MFHAS1: variants seen among roughly 807,000 people sequenced by gnomAD.
MFHAS1 encodes multifunctional ROCO family signaling regulator 1, also known as malignant fibrous histiocytoma-amplified sequence 1.
A neutral mutation model predicts 70.4 loss-of-function variants in MFHAS1; 50 were observed. The ratio of observed to expected loss-of-function variants is 0.71; its 90% CI spans 0.57 to 0.90. MFHAS1 has a LOEUF of 0.90. Among genes scored for constraint, MFHAS1 ranks in the 40% least tolerant of loss-of-function variants. MFHAS1 has a pLI of 0.00. For synonymous variants in MFHAS1, 952 were observed against 620.0 expected (o/e 1.54, Z -7.96); for missense variants, 1,795 against 1,347.6 (o/e 1.33, Z -5.20).
chr8:8,828,265 C>A (rs909103967), intron 1 of MFHAS1, among the ~76,000 whole-genome samples: 2 of 152,204 alleles, frequency 1.3e-5, no homozygotes, highest in Admixed American at 6.5e-5. Flanking sequence ...CATGGAGCAA[C>A]AGGAACTGTT....
At chr8:8,858,835 A>C (rs937011687) in intron 1 of MFHAS1, among the ~76,000 whole-genome samples, 6 of 152,194 alleles carry the variant, frequency 3.9e-5, no homozygotes, top group Non-Finnish European at 7.3e-5. Context: ...TTCAGACCAA[A>C]ATAGAAATAA....
intron 1 of MFHAS1, among the ~76,000 whole-genome samples, chr8:8,873,602 T>C (rs2116914234): frequency 6.6e-6 from 1 of 152,066 alleles, no homozygotes; most frequent in Non-Finnish European, 1.5e-5. Context: ...TCCCACTTGG[T>C]ATGAGGATAA....
chr8:8,786,703 G>GTT (rs56344671), intron 2 of MFHAS1, among the ~76,000 whole-genome samples: 41,896 of 147,538 alleles, frequency 0.28, 6,375 homozygotes, highest in African/African-American at 0.36. Context: ...TTTGAAAGTG[G>GTT]TTTTTTTTTT....
chr8:8,805,338 C>T (rs1341708249), intron 1 of MFHAS1, among the ~76,000 whole-genome samples: 1 of 152,160 alleles, frequency 6.6e-6, no homozygotes, highest in African/African-American at 2.4e-5. Flanking sequence ...GAAGCCTTAC[C>T]AATAATGTAA....
chr8:8,835,952 C>A (rs1181531260), intron 1 of MFHAS1, among the ~76,000 whole-genome samples: 1 of 152,236 alleles, frequency 6.6e-6, no homozygotes, highest in African/African-American at 2.4e-5. Flanking sequence ...CTAACCGATG[C>A]TACTACAGTG....
chr8:8,887,770 G>A (rs1019400503), intron 1 of MFHAS1, among the ~76,000 whole-genome samples: 1 of 150,694 alleles, frequency 6.6e-6, no homozygotes, highest in African/African-American at 2.4e-5. Flanking sequence ...CAAGACAAGG[G>A]GCTTGTTTCT....
At chr8:8,787,937 AAAC>A (rs1805608587) in intron 2 of MFHAS1, among the ~76,000 whole-genome samples, 3 of 152,206 alleles carry the variant, frequency 2.0e-5, no homozygotes, top group Non-Finnish European at 2.9e-5. Context: ...ATCTTAGAGA[AAAC>A]AACCATCAAA....
intron 1 of MFHAS1, among the ~76,000 whole-genome samples, chr8:8,852,029 T>C (rs889151806): frequency 7.2e-5 from 11 of 152,168 alleles, no homozygotes; most frequent in Admixed American, 1.3e-4. Flanking sequence ...TTTGGATACA[T>C]AGGGAGTGGG....
rs201146413 is a variant in MFHAS1, at chr8:8,891,946, C to A, written c.1113G>T (p.Lys371Asn). Residue 371 changes from lysine (K) to asparagine (N), a missense_variant, in exon 1 of 3, where the codon AAG becomes AAT. Lys to Asn is a moderately conservative substitution (Grantham distance 94, BLOSUM62 0). Transcript: ENST00000276282. The surrounding 1 kb of genome is among the most constrained non-coding windows in gnomAD (Gnocchi z 5.4). ...FGQLSRVGLW[K>N]IKDNPLIQPP... Reference sequence around the variant, plus strand: ...GCTGGATCAGTGGGTTGTCTTTGATCTTCCACAAACCCACCCGGGAGAGCT... The same window carrying A: ...GCTGGATCAGTGGGTTGTCTTTGATATTCCACAAACCCACCCGGGAGAGCT... 3.1e-6 allele frequency: 5 copies of A among 1,611,476 alleles called. No homozygotes were observed. Among genetic ancestry groups the A allele is most frequent in the African/African-American group, 1.3e-5 (1 of 74,908 alleles).
intron 1 of MFHAS1, among the ~76,000 whole-genome samples, chr8:8,885,816 T>C (rs1809730268): frequency 6.6e-6 from 1 of 152,192 alleles, no homozygotes; most frequent in South Asian, 2.1e-4. Context: ...TTCAAGGGAT[T>C]CTCGTGCCTC....
chr8:8,797,468 G>T lies in MFHAS1; in HGVS notation c.3022C>A (p.Pro1008Thr). 5 of 1,614,048 alleles carry T rather than the reference G, an allele frequency of 3.1e-6. No individual in the cohort carries two copies. The highest frequency in any genetic ancestry group is 4.2e-6 in the Non-Finnish European group (5 of 1,179,946). The change falls in exon 2 of 3, where the codon CCG becomes ACG. Residue 1008 changes from proline to threonine, a missense_variant. Transcript: ENST00000276282. ...FPGELLSQPRPEGVAEIICPK... is the reference protein window; with the variant it reads ...FPGELLSQPRTEGVAEIICPK... Reference sequence around the variant, plus strand: ...CAAATGATCTCTGCCACTCCTTCCGGTCTGGGCTGACTCAGCAACTCCCCT... The same window carrying T: ...CAAATGATCTCTGCCACTCCTTCCGTTCTGGGCTGACTCAGCAACTCCCCT...
intron 2 of MFHAS1, among the ~76,000 whole-genome samples, chr8:8,787,978 C>G (rs1027418735): frequency 2.0e-5 from 3 of 152,234 alleles, no homozygotes; most frequent in Non-Finnish European, 2.9e-5. Flanking sequence ...TTTCTCCCCA[C>G]CTCTCTAGCT....
chr8:8,815,311 G>C (rs1458331168), intron 1 of MFHAS1, among the ~76,000 whole-genome samples: 3 of 152,098 alleles, frequency 2.0e-5, no homozygotes, highest in African/African-American at 7.2e-5. Context: ...ATTGTGAATA[G>C]TGCTGCGATG....
intron 1 of MFHAS1, among the ~76,000 whole-genome samples, chr8:8,849,044 A>T (rs1193741600): frequency 6.7e-6 from 1 of 148,556 alleles, no homozygotes; most frequent in African/African-American, 2.5e-5. Context: ...ACAGCTCTGC[A>T]GCAATTAATT....
chr8:8,849,655 A>G (rs1808168455), intron 1 of MFHAS1, among the ~76,000 whole-genome samples: 1 of 152,236 alleles, frequency 6.6e-6, no homozygotes, highest in South Asian at 2.1e-4. Flanking sequence ...TGGTCAAGAA[A>G]TGAGCAGTCC....
Position 8,892,124 on chromosome 8 carries a change from G to A in MFHAS1, c.935C>T (p.Pro312Leu), listed in dbSNP as rs1328460545. 1 of 1,612,698 alleles carries A rather than the reference G, an allele frequency of 6.2e-7. No individual in the cohort carries two copies. The highest frequency in any genetic ancestry group is 8.5e-7 in the Non-Finnish European group (1 of 1,180,022). Residue 312 changes from proline to leucine, a missense_variant, in exon 1 of 3, where the codon CCA becomes CTA. Coordinates refer to ENST00000276282, the MANE Select transcript of MFHAS1 (RefSeq NM_004225.3). The surrounding 1 kb of genome is among the most constrained non-coding windows in gnomAD (Gnocchi z 4.7). ...YLSRNQLTSVPSLISGLGRLL... is the reference protein window; with the variant it reads ...YLSRNQLTSVLSLISGLGRLL... The stretch of plus-strand genomic sequence containing the variant: ...CCGGCCCAGGCCCGAGATAAGGGAT[G>A]GCACCGAGGTGAGCTGGTTGCGACT...
At chr8:8,808,993 G>A (rs534769793) in intron 1 of MFHAS1, among the ~76,000 whole-genome samples, 42 of 152,176 alleles carry the variant, frequency 2.8e-4, no homozygotes, top group Non-Finnish European at 4.7e-4. Context: ...AATTACCACC[G>A]GAGCTCCATC....
At chr8:8,844,824 C>G (rs572878341) in intron 1 of MFHAS1, among the ~76,000 whole-genome samples, 1 of 152,320 alleles carries the variant, frequency 6.6e-6, no homozygotes, top group African/African-American at 2.4e-5. Context: ...AAAACAGTGT[C>G]TGGCACAGAG....
chr8:8,866,704 A>G (rs997059342), intron 1 of MFHAS1, among the ~76,000 whole-genome samples: 1 of 152,180 alleles, frequency 6.6e-6, no homozygotes, highest in Non-Finnish European at 1.5e-5. Flanking sequence ...TCTCTTACAC[A>G]TTCTCATAAA....
Sources: allele counts gnomAD v4.1 joint callset (sites outside exome capture counted in the v4.1 genomes callset), GRCh38; gene constraint gnomAD v4.1.1; non-coding constraint Gnocchi (gnomAD v3.1); transcripts MANE v1.5; gene names NCBI Gene and HGNC (gene_info 2026-07-23, HGNC 2026-07-21).